TENM4: variants seen among roughly 807,000 people sequenced by gnomAD.
TENM4 encodes the protein teneurin-4.
TENM4 carries 82 observed loss-of-function variants against 243.3 expected under a neutral mutation model. The ratio of observed to expected loss-of-function variants is 0.34; its 90% confidence interval spans 0.28 to 0.40. TENM4 has a LOEUF of 0.40. TENM4 is among the 10% of genes least tolerant of loss of function. The pLI is 1.00. For missense variants in TENM4, 3,138 were observed against 3,673.3 expected, an observed-to-expected ratio of 0.85 and a Z score of 3.77; for synonymous variants, 1,412 against 1,456.3, an observed-to-expected ratio of 0.97 and a Z score of 0.69.
intron 28 of TENM4, among the ~76,000 whole-genome samples, chr11:78,691,954 G>A (rs1858838026): frequency 6.6e-6 from 1 of 152,286 alleles, no homozygotes; most frequent in South Asian, 2.1e-4. Flanking sequence ...TGGATGGGAA[G>A]AAGTAGGGTT....
At chr11:78,709,283 ATTC>A (rs1859343285) in intron 26 of TENM4, among the ~76,000 whole-genome samples, 1 of 151,728 alleles carries the variant, frequency 6.6e-6, no homozygotes, top group Non-Finnish European at 1.5e-5. Flanking sequence ...ATGCTTTTCT[ATTC>A]TTATTATTTT....
At chr11:79,015,783 T>TAAACAC (rs1858759602) in intron 6 of TENM4, among the ~76,000 whole-genome samples, 1 of 152,060 alleles carries the variant, frequency 6.6e-6, no homozygotes, top group African/African-American at 2.4e-5. Flanking sequence ...AGATAGACAA[T>TAAACAC]AAACACAAAC....
chr11:79,258,335 A>G (rs527728554), intron 2 of TENM4, among the ~76,000 whole-genome samples: 1 of 152,316 alleles, frequency 6.6e-6, no homozygotes, highest in East Asian at 1.9e-4. Context: ...GGTGACTATT[A>G]TACAATGGAT....
intron 6 of TENM4, among the ~76,000 whole-genome samples, chr11:79,037,679 T>A (rs1025215061): frequency 1.2e-4 from 18 of 152,248 alleles, no homozygotes; most frequent in African/African-American, 3.8e-4. Flanking sequence ...TTCTCCATGA[T>A]TTGTCTATTA....
At chr11:78,684,545 GAC>G (rs150113069) in intron 29 of TENM4, among the ~76,000 whole-genome samples, 23 of 151,816 alleles carry the variant, frequency 1.5e-4, no homozygotes, top group East Asian at 1.4e-3. Context: ...CATACACACA[GAC>G]ACACACACAC....
At chr11:79,320,154 C>T (rs11605553) in intron 1 of TENM4, among the ~76,000 whole-genome samples, 3 of 152,120 alleles carry the variant, frequency 2.0e-5, no homozygotes, top group African/African-American at 7.2e-5. Context: ...CTGAAAACAT[C>T]CCCAGGAGTG....
At chr11:78,714,601 C>T (rs759498918) in intron 25 of TENM4, among the ~76,000 whole-genome samples, 2 of 152,190 alleles carry the variant, frequency 1.3e-5, no homozygotes, top group Non-Finnish European at 2.9e-5. Flanking sequence ...TCAAGGATTC[C>T]TTAATTCTTA....
intron 1 of TENM4, among the ~76,000 whole-genome samples, chr11:79,392,035 G>T (rs1858245034): frequency 6.6e-6 from 1 of 152,148 alleles, no homozygotes; most frequent in African/African-American, 2.4e-5. Context: ...TGATATTACA[G>T]AAAACATTTA....
intron 4 of TENM4, among the ~76,000 whole-genome samples, chr11:79,119,962 G>T (rs538570559): frequency 2.0e-5 from 3 of 152,144 alleles, no homozygotes; most frequent in Non-Finnish European, 4.4e-5. Context: ...GACATATTCC[G>T]TTGGCACCAG....
chr11:79,344,590 C>G (rs1857296763), intron 1 of TENM4, among the ~76,000 whole-genome samples: 1 of 152,218 alleles, frequency 6.6e-6, no homozygotes, highest in African/African-American at 2.4e-5. Flanking sequence ...AACAAAACTT[C>G]TCTTTGACCA....
At chr11:78,743,707 T>C (rs1000279438) in intron 19 of TENM4, among the ~76,000 whole-genome samples, 2 of 152,170 alleles carry the variant, frequency 1.3e-5, no homozygotes, top group African/African-American at 2.4e-5. Flanking sequence ...CTGTACCACC[T>C]GTGATCTGAA....
At chr11:79,415,034 T>TCACCC (rs1858783471) in intron 1 of TENM4, among the ~76,000 whole-genome samples, 1 of 152,196 alleles carries the variant, frequency 6.6e-6, no homozygotes, top group African/African-American at 2.4e-5. Context: ...GGTTCCCTCT[T>TCACCC]CACCCCACCA....
intron 3 of TENM4, among the ~76,000 whole-genome samples, chr11:79,189,941 G>A (rs901725411): frequency 7.2e-5 from 11 of 152,200 alleles, no homozygotes; most frequent in African/African-American, 2.7e-4. Context: ...AAATGCTTCA[G>A]AGGCAGTCAC....
At chr11:78,835,757 C>T (rs1015702139) in intron 12 of TENM4, among the ~76,000 whole-genome samples, 1 of 152,144 alleles carries the variant, frequency 6.6e-6, no homozygotes, top group Non-Finnish European at 1.5e-5. Context: ...ACTCCTACCC[C>T]AATTAGGTTA....
chr11:79,188,918 T>C lies in TENM4; in HGVS notation c.-163+26890A>G, dbSNP rs1863426892. ...AGCATGCATAATAAACATTTAAACA[T>C]GTCACTGAAATCATGAAAGAGGGAA... is the stretch of plus-strand genomic sequence containing the variant. On this transcript the variant is annotated intron_variant, in intron 3 of 33. Transcript: ENST00000278550. Among the ~76,000 whole-genome samples, 4 of 152,256 alleles carry C rather than the reference T, an allele frequency of 2.6e-5. No individual in the cohort carries two copies. In the South Asian group the frequency reaches 8.3e-4, roughly 32 times the overall value.
chr11:79,371,949 A>G (rs916058184), intron 1 of TENM4, among the ~76,000 whole-genome samples: 1 of 152,142 alleles, frequency 6.6e-6, no homozygotes, highest in Non-Finnish European at 1.5e-5. Context: ...GTAGGTGTGA[A>G]TGGCAGCTGC....
intron 29 of TENM4, among the ~76,000 whole-genome samples, chr11:78,687,334 C>T (rs1291616502): frequency 6.6e-6 from 1 of 152,194 alleles, no homozygotes; most frequent in Non-Finnish European, 1.5e-5. Flanking sequence ...GACTCTTACC[C>T]TGAGGCTCCT....
intron 8 of TENM4, among the ~76,000 whole-genome samples, chr11:78,890,949 C>A (rs1377945078): frequency 6.6e-6 from 1 of 152,196 alleles, no homozygotes; most frequent in African/African-American, 2.4e-5. Context: ...AGAGTCCATA[C>A]AATACAGGGC....
chr11:78,798,330 G>A (rs983740504), intron 15 of TENM4, among the ~76,000 whole-genome samples: 15 of 152,230 alleles, frequency 9.9e-5, no homozygotes, highest in Non-Finnish European at 1.8e-4. Flanking sequence ...GCTTTTCAGC[G>A]CCATATCCAT....
Sources: gnomAD v4.1 joint callset for allele counts (sites outside exome capture counted in the v4.1 genomes callset) on GRCh38, gnomAD v4.1.1 for gene constraint, MANE v1.5 for transcripts, NCBI Gene and HGNC (gene_info 2026-07-23, HGNC 2026-07-21) for gene names.